The following ACSM2A variants were observed in gnomAD, a reference collection of about 807,000 sequenced individuals.
ACSM2A encodes acyl-CoA synthetase medium chain family member 2A, also known as acyl-coenzyme A synthetase ACSM2A, mitochondrial.
Under a neutral mutation model 76.6 loss-of-function variants are expected in ACSM2A, and 72 were observed. That is an observed-to-expected ratio of 0.94 (90% CI 0.78 to 1.14). ACSM2A has a LOEUF of 1.14. Ranked by LOEUF, ACSM2A falls within the 50% of genes most tolerant of loss-of-function variation. ACSM2A has a pLI of 0.00. For missense variants in ACSM2A, 684 were observed against 708.5 expected (o/e 0.97, Z 0.39); for synonymous variants, 249 against 255.9 (o/e 0.97, Z 0.26).
At chr16:20,464,720 G>C (rs1290858913) in intron 2 of ACSM2A, among the ~76,000 whole-genome samples, 4 of 152,066 alleles carry the variant, frequency 2.6e-5, no homozygotes, top group Admixed American at 6.6e-5. Flanking sequence ...ACAATATCAT[G>C]TATCTAGAAT....
intron 12 of ACSM2A, chr16:20,482,779 C>T (rs934909994): frequency 1.5e-5 from 4 of 266,112 alleles, no homozygotes; most frequent in Non-Finnish European, 2.9e-5. Context: ...TCTTTTCTCC[C>T]CCTGTATCTT....
chr16:20,460,844 A>T (rs2012579014), intron 2 of ACSM2A, among the ~76,000 whole-genome samples: 1 of 126,796 alleles, frequency 7.9e-6, no homozygotes, highest in South Asian at 2.8e-4. Flanking sequence ...CTCTCAAAAA[A>T]GTGGGGGGCA....
intron 6 of ACSM2A, among the ~76,000 whole-genome samples, chr16:20,472,128 A>G (rs1263799262): frequency 6.3e-4 from 96 of 151,914 alleles, no homozygotes; most frequent in Middle Eastern, 3.4e-3. Flanking sequence ...AAGGTAAAGT[A>G]CACAGAGTGC....
rs575185230 is a variant in ACSM2A, at chr16:20,485,440, ATC to A, written c.1630-1132_1630-1131del. Among the ~76,000 whole-genome samples, 745 of 152,282 alleles carry A rather than the reference ATC, an allele frequency of 4.9e-3. 4 individuals carry two copies. Among genetic ancestry groups the A allele is most frequent in the African/African-American group, 0.017 (706 of 41,542 alleles). On this transcript the variant is annotated intron_variant, in intron 13 of 13. Coordinates refer to ENST00000573854, the MANE Select transcript of ACSM2A (RefSeq NM_001308172.2). ...AGAGTAGCTTCCTTCTTAGCATTAA[ATC>A]TGGATACCTCCTGTGGCTTTCATCC...
At chr16:20,474,597 A>G (rs981402124) in intron 6 of ACSM2A, among the ~76,000 whole-genome samples, 3 of 152,232 alleles carry the variant, frequency 2.0e-5, no homozygotes, top group Non-Finnish European at 2.9e-5. Flanking sequence ...AAACAGATTA[A>G]GACAATACTC....
At chr16:20,479,336 T>G (rs1156428) in intron 10 of ACSM2A, among the ~76,000 whole-genome samples, 13 of 151,982 alleles carry the variant, frequency 8.6e-5, no homozygotes, top group Admixed American at 6.6e-5. Context: ...TGAATGCATA[T>G]CATGAGGCAA....
intron 8 of ACSM2A, 102 bp downstream of exon 8, chr16:20,475,875 C>A: frequency 6.4e-7 from 1 of 1,565,616 alleles, no homozygotes; most frequent in Non-Finnish European, 8.6e-7. Flanking sequence ...TTCATCTATT[C>A]GAGAAGTATT....
intron 2 of ACSM2A, among the ~76,000 whole-genome samples, chr16:20,464,778 A>G (rs541471329): frequency 2.0e-5 from 3 of 152,266 alleles, no homozygotes; most frequent in Admixed American, 1.3e-4. Flanking sequence ...ATCAGGGCCT[A>G]AAGGGAGAGG....
chr16:20,479,205 G>A (rs539805853), intron 10 of ACSM2A, among the ~76,000 whole-genome samples: 55 of 152,168 alleles, frequency 3.6e-4, no homozygotes, highest in South Asian at 8.3e-4. Flanking sequence ...ACTTGCTCAA[G>A]CTCACAACCA....
At chr16:20,478,540 G>GTGTGCATCATT in intron 9 of ACSM2A, 36 bp from the exon 10 acceptor site, 1 of 1,603,790 alleles carries the variant, frequency 6.2e-7, no homozygotes, top group Non-Finnish European at 8.5e-7. Flanking sequence ...ATCTCCTGCT[G>GTGTGCATCATT]TGTGCATCAT....
At chr16:20,457,811 G>C (rs1349557349) in intron 1 of ACSM2A, among the ~76,000 whole-genome samples, 1 of 152,042 alleles carries the variant, frequency 6.6e-6, no homozygotes, top group Non-Finnish European at 1.5e-5. Flanking sequence ...GGAAGTCCTA[G>C]CCAGATCAAT....
chr16:20,471,446 C>T (rs2013394412), intron 5 of ACSM2A, 90 bp from the exon 6 acceptor site: 1 of 1,522,752 alleles, frequency 6.6e-7, no homozygotes, highest in Non-Finnish European at 8.9e-7. Flanking sequence ...TCTGCACACA[C>T]ACCTCCCTTT....
intron 2 of ACSM2A, among the ~76,000 whole-genome samples, chr16:20,464,181 G>A (rs965240954): frequency 7.9e-5 from 12 of 152,156 alleles, no homozygotes; most frequent in East Asian, 3.9e-4. Context: ...AAGACGTTCC[G>A]AACTTTTCCT....
At chr16:20,485,820 T>C (rs962350529) in intron 13 of ACSM2A, among the ~76,000 whole-genome samples, 1 of 152,230 alleles carries the variant, frequency 6.6e-6, no homozygotes, top group African/African-American at 2.4e-5. Flanking sequence ...TTTTTATTAA[T>C]TCAAGACCAT....
chr16:20,472,777 T>C (rs1287725741), intron 6 of ACSM2A, among the ~76,000 whole-genome samples: 1 of 152,216 alleles, frequency 6.6e-6, no homozygotes, highest in African/African-American at 2.4e-5. Flanking sequence ...CAAAATATTC[T>C]CTGTGAGATT....
At chr16:20,476,667 G>T in intron 8 of ACSM2A, 2 of 987,048 alleles carry the variant, frequency 2.0e-6, no homozygotes, top group Non-Finnish European at 2.4e-6. Flanking sequence ...GAGGTGGGTG[G>T]ATAAACTTGC....
At chr16:20,473,828 A>T (rs541174833) in intron 6 of ACSM2A, 19 of 221,520 alleles carry the variant, frequency 8.6e-5, no homozygotes, top group Admixed American at 6.7e-4. Flanking sequence ...AAGTCTGATT[A>T]AAAAAAAAAG....
intron 10 of ACSM2A, among the ~76,000 whole-genome samples, chr16:20,479,356 T>C (rs1208257367): frequency 1.3e-5 from 2 of 152,224 alleles, no homozygotes; most frequent in African/African-American, 4.8e-5. Context: ...AGCATTGTCC[T>C]ATAAACACAT....
At chr16:20,474,450 C>T (rs372697427) in intron 6 of ACSM2A, among the ~76,000 whole-genome samples, 89 of 152,248 alleles carry the variant, frequency 5.8e-4, no homozygotes, top group African/African-American at 1.8e-3. Flanking sequence ...TGGGACTCTG[C>T]GGAGTCCCCA....
Sources: gnomAD v4.1 joint callset for allele counts (sites outside exome capture counted in the v4.1 genomes callset) on GRCh38, gnomAD v4.1.1 for gene constraint, MANE v1.5 for transcripts, NCBI Gene and HGNC (gene_info 2026-07-23, HGNC 2026-07-21) for gene names.